Variants in C1orf162 observed in about 807,000 individuals in gnomAD.
C1orf162 encodes chromosome 1 open reading frame 162, also known as transmembrane protein C1orf162.
Under a neutral mutation model 11.4 loss-of-function variants are expected in C1orf162, and 10 were observed. The ratio of observed to expected loss-of-function variants is 0.88; its 90% CI spans 0.54 to 1.48. The LOEUF (loss-of-function observed/expected upper bound fraction) is 1.48, where lower values mean the gene tolerates loss of function less well. C1orf162 is among the 40% of genes most tolerant of loss of function. C1orf162 has a pLI of 0.00. For missense variants in C1orf162, 140 were observed against 149.5 expected (o/e 0.94, Z 0.33); for synonymous variants, 53 against 55.0 (o/e 0.96, Z 0.16).
At chr1:111,476,439 T>C (rs1006633958) in intron 2 of C1orf162, among the ~76,000 whole-genome samples, 20 of 152,184 alleles carry the variant, frequency 1.3e-4, no homozygotes, top group African/African-American at 4.6e-4. Flanking sequence ...CCCAAGGACT[T>C]TGGGAAGCAT....
chr1:111,477,650 G>C (rs1654042798), intron 4 of C1orf162, 76 bp from the exon 5 acceptor site: 1 of 1,510,118 alleles, frequency 6.6e-7, no homozygotes, highest in Middle Eastern at 1.8e-4. Flanking sequence ...CTTCACCCAA[G>C]ATCGAAGGGA....
intron 3 of C1orf162, 69 bp downstream of exon 3, chr1:111,476,936 G>C (rs1399415378): frequency 1.3e-6 from 2 of 1,541,796 alleles, no homozygotes; most frequent in Non-Finnish European, 9.0e-7. Context: ...TGACAGCCTC[G>C]GCTTGGGGAT....
At position 111,476,040 on chromosome 1, in the gene C1orf162, T is replaced by C; in HGVS notation, c.12T>C (p.Asn4=). Residue 4 remains asparagine (N), a synonymous_variant, in exon 2 of 6, where the codon AAT becomes AAC. Transcript: ENST00000369718. ...CAGGGGATGACAGCATGGGAGGCAA[T>C]GGCTCCACATGTAAACCCGACACTG... MGG[N]GSTCKPDTER... is the part of the protein sequence containing the mutation. 2 of 1,613,336 alleles carry C rather than the reference T, an allele frequency of 1.2e-6. No homozygotes were observed. The highest frequency in any genetic ancestry group is 2.2e-5 in the South Asian group (2 of 91,050).
Position 111,478,123 on chromosome 1 carries a change from A to G in C1orf162, c.393A>G (p.Ter131=). 6.2e-7 allele frequency: 1 copy of G among 1,614,152 alleles called. No individual in the cohort carries two copies. The highest frequency in any genetic ancestry group is 8.5e-7 in the Non-Finnish European group (1 of 1,179,986). ...ATGCTCAAATTAAAGTAACAAACTA[A>G]CTCAGCTTTTCCAATGAGGCTTGAA... is the stretch of plus-strand genomic sequence containing the variant. ...IVYAQIKVTN[*] The change falls in exon 6 of 6, where the codon TAA becomes TAG. Residue 131 remains the stop codon, a stop_retained_variant. Transcript: ENST00000369718.
rs1571390256 is a variant in C1orf162 at position 111,478,220 on chromosome 1, T to C, written c.*97T>C. On this transcript the variant is annotated 3_prime_UTR_variant, in exon 6 of 6. Transcript: ENST00000369718. ...TTTTTACAAATTTTGGACCACCACC[T>C]GTGTGAAACTGCAGTCGGAGTTGTT... 2.1e-6 allele frequency: 3 copies of C among 1,407,638 alleles called. No individual in the cohort carries two copies. The East Asian group carries it at 6.9e-5, about 32-fold the overall frequency. The allele number at this position is 1,407,638 out of a possible 1,614,324, so 87.2% of individuals were successfully genotyped here.
chr1:111,476,252 C>T (rs1351595778), intron 2 of C1orf162, among the ~76,000 whole-genome samples, 187 bp downstream of exon 2: 5 of 152,042 alleles, frequency 3.3e-5, no homozygotes, highest in Non-Finnish European at 7.4e-5. Flanking sequence ...ACCTGCCTGG[C>T]CCTCCAAATC....
Position 111,476,169 on chromosome 1 carries a change from G to A in C1orf162, c.37+104G>A, listed in dbSNP as rs879133307. 99 of 1,123,148 alleles carry A rather than the reference G, an allele frequency of 8.8e-5. 1 individual carries two copies. The South Asian group carries it at 1.2e-3, about 14-fold the overall frequency. The allele number at this position is 1,123,148 out of a possible 1,614,324, so 69.6% of individuals were successfully genotyped here. A position where few individuals can be genotyped will look rare whatever the true frequency, so the allele number is the denominator to read the frequency against. On this transcript the variant is annotated intron_variant, in intron 2 of 5. Transcript: ENST00000369718. ...GAAAGGCACTAGCTAGTGCATTTCT[G>A]AAACTGGAAGAATCCAATTTTACCA... is the stretch of plus-strand genomic sequence containing the variant.
At position 111,478,365 on chromosome 1, in the gene C1orf162, G is replaced by A. The variant is rs1212778116; in HGVS notation, c.*242G>A. On this transcript the variant is annotated 3_prime_UTR_variant, in exon 6 of 6. Coordinates refer to ENST00000369718, the MANE Select transcript of C1orf162 (RefSeq NM_001300834.2). ...CTGACAGCCTGTGAGCCCCTTGGGGGCATAGACTGCCTTCCTTGGACCCTT... is the reference window on the plus strand; with the variant it reads ...CTGACAGCCTGTGAGCCCCTTGGGGACATAGACTGCCTTCCTTGGACCCTT... The A allele has an allele frequency of 5.3e-6, 3 of 567,820 alleles. No individual in the cohort carries two copies. The highest frequency in any genetic ancestry group is 3.1e-5 in the Admixed American group (1 of 32,730). 35.2% of individuals were successfully genotyped at this position (567,820 alleles called of 1,614,324 possible).
Position 111,478,355 on chromosome 1 carries a change from C to T in C1orf162, c.*232C>T. ...CCCACTTGAACTGACAGCCTGTGAGCCCCTTGGGGGCATAGACTGCCTTCC... is the reference window on the plus strand; with the variant it reads ...CCCACTTGAACTGACAGCCTGTGAGTCCCTTGGGGGCATAGACTGCCTTCC... On this transcript the variant is annotated 3_prime_UTR_variant, in exon 6 of 6. Coordinates refer to ENST00000369718, the MANE Select transcript of C1orf162 (RefSeq NM_001300834.2). 3.4e-6 allele frequency: 2 copies of T among 588,894 alleles called. No individual in the cohort carries two copies. The highest frequency in any genetic ancestry group is 6.0e-6 in the Non-Finnish European group (2 of 335,212). The allele number at this position is 588,894 out of a possible 1,614,324, so 36.5% of individuals were successfully genotyped here.
rs11102281 is a variant in C1orf162 at position 111,475,710 on chromosome 1, C to T, written c.-11-308C>T. On this transcript the variant is annotated intron_variant, in intron 1 of 5. Coordinates refer to ENST00000369718, the MANE Select transcript of C1orf162 (RefSeq NM_001300834.2). ...CACCAACATGTACCTAATGTTATTT[C>T]GGCTTATACATCAGTCTCCTGTGAG... The T allele has an allele frequency of 5.4e-3, 1,563 of 287,220 alleles. 34 individuals carry two copies. Among genetic ancestry groups the T allele is most frequent in the African/African-American group, 0.03 (1,467 of 48,256 alleles). The allele number at this position is 287,220 out of a possible 1,614,324, so 17.8% of individuals were successfully genotyped here.
At chr1:111,477,618 A>T in intron 4 of C1orf162, 108 bp from the exon 5 acceptor site, 1 of 1,454,030 alleles carries the variant, frequency 6.9e-7, no homozygotes, top group Non-Finnish European at 9.2e-7. Flanking sequence ...CCCACCTGCC[A>T]ACACCTCCTC....
At chr1:111,476,935 C>T (rs564088323) in intron 3 of C1orf162, 68 bp downstream of exon 3, 108 of 1,542,076 alleles carry the variant, frequency 7.0e-5, no homozygotes, top group Admixed American at 1.0e-4. Context: ...CTGACAGCCT[C>T]GGCTTGGGGA....
At chr1:111,474,168 T>C (rs1302090723) in intron 1 of C1orf162, 138 bp downstream of exon 1, 1 of 152,262 alleles carries the variant, frequency 6.6e-6, no homozygotes, top group Non-Finnish European at 1.5e-5. Flanking sequence ...TTCTATTAAG[T>C]TGATGGATTT....
At chr1:111,477,602 C>CAA (rs765057096) in intron 4 of C1orf162, 124 bp from the exon 5 acceptor site, 1 of 1,507,828 alleles carries the variant, frequency 6.6e-7, no homozygotes, top group Non-Finnish European at 9.2e-7. Context: ...TCCGCCCTGC[C>CAA]CCCCACCCAC....
rs1449363890 is a variant in C1orf162, at chr1:111,476,657, C to A, written c.38-141C>A. The A allele has an allele frequency of 6.6e-6, 5 of 757,702 alleles. No individual in the cohort carries two copies. The African/African-American group carries it at 6.9e-5, about 11-fold the overall frequency. The allele number at this position is 757,702 out of a possible 1,614,324, so 46.9% of individuals were successfully genotyped here. On this transcript the variant is annotated intron_variant, in intron 2 of 5. Coordinates refer to ENST00000369718, the MANE Select transcript of C1orf162 (RefSeq NM_001300834.2). ...TACTTGGAATCTAAAAAACAATGTT[C>A]TCTCATTTTTGTAAGAGTTGCAGCC... is the stretch of plus-strand genomic sequence containing the variant.
rs1288646234 is a variant in C1orf162 at position 111,478,413 on chromosome 1, C to T, written c.*290C>T. On this transcript the variant is annotated 3_prime_UTR_variant, in exon 6 of 6. Coordinates refer to ENST00000369718, the MANE Select transcript of C1orf162 (RefSeq NM_001300834.2). ...CTTCCAAAGTGTGTGGTACAGAGCT[C>T]AGTGCACAGAGTATTCACCCAGCAT... is the stretch of plus-strand genomic sequence containing the variant. 3 of 438,976 alleles carry T rather than the reference C, an allele frequency of 6.8e-6. No homozygotes were observed. Among genetic ancestry groups the T allele is most frequent in the East Asian group, 4.1e-5 (1 of 24,104 alleles). 27.2% of individuals were successfully genotyped at this position (438,976 alleles called of 1,614,324 possible).
chr1:111,475,904 C>G, intron 1 of C1orf162, 114 bp from the exon 2 acceptor site: 1 of 753,106 alleles, frequency 1.3e-6, no homozygotes, highest in East Asian at 2.7e-5. Context: ...CTAGAACACC[C>G]ACAAATTGCC....
At position 111,478,216 on chromosome 1, in the gene C1orf162, C is replaced by T; in HGVS notation, c.*93C>T. On this transcript the variant is annotated 3_prime_UTR_variant, in exon 6 of 6. Transcript: ENST00000369718. ...CACTTTTTTACAAATTTTGGACCAC[C>T]ACCTGTGTGAAACTGCAGTCGGAGT... 1 of 1,486,696 alleles carries T rather than the reference C, an allele frequency of 6.7e-7. No individual in the cohort carries two copies. Among genetic ancestry groups the T allele is most frequent in the Non-Finnish European group, 9.3e-7 (1 of 1,075,404 alleles). 92.1% of individuals were successfully genotyped at this position (1,486,696 alleles called of 1,614,324 possible).
chr1:111,474,947 T>C (rs1052418925), intron 1 of C1orf162: 1 of 151,974 alleles, frequency 6.6e-6, no homozygotes, highest in Non-Finnish European at 1.5e-5. Context: ...CCTTAAAATA[T>C]AGAAGAAATA....
Sources: allele counts gnomAD v4.1 joint callset (sites outside exome capture counted in the v4.1 genomes callset), GRCh38; gene constraint gnomAD v4.1.1; transcripts MANE v1.5; gene names NCBI Gene and HGNC (gene_info 2026-07-23, HGNC 2026-07-21).